The following RALYL variants were observed in gnomAD, a reference collection of about 807,000 sequenced individuals.
The protein encoded by RALYL is RALY RNA binding protein like, also known as RNA-binding Raly-like protein.
A neutral mutation model predicts 35.1 loss-of-function variants in RALYL; 29 were observed. The observed-to-expected ratio is 0.83, with a 90% CI of 0.61 to 1.13. The LOEUF (loss-of-function observed/expected upper bound fraction) is 1.13. Ranked by LOEUF, RALYL falls within the 50% of genes most tolerant of loss-of-function variation. RALYL has a pLI of 0.00. For synonymous variants in RALYL, 120 were observed against 127.6 expected, an observed-to-expected ratio of 0.94 and a Z score of 0.40; for missense variants, 359 against 360.4, an observed-to-expected ratio of 1.00 and a Z score of 0.03.
At chr8:84,504,471 G>C (rs1157427333) in intron 1 of RALYL, among the ~76,000 whole-genome samples, 8 of 152,020 alleles carry the variant, frequency 5.3e-5, no homozygotes, top group Non-Finnish European at 1.5e-5. Flanking sequence ...AATTACTTTT[G>C]ATAATTTTTG....
At chr8:84,712,332 C>T (rs760426049) in intron 2 of RALYL, among the ~76,000 whole-genome samples, 13 of 152,054 alleles carry the variant, frequency 8.5e-5, no homozygotes, top group South Asian at 2.1e-4. Flanking sequence ...GATAACACCC[C>T]GATACAGATT....
rs200753771 is a variant in RALYL, at chr8:84,401,230, T to TC, written c.-23-128069_-23-128068insC. Among the ~76,000 whole-genome samples the TC allele has an allele frequency of 3.9e-3, 599 of 152,104 alleles. 8 individuals are homozygous for TC. The highest frequency in any genetic ancestry group is 0.014 in the African/African-American group (571 of 41,446). On this transcript the variant is annotated intron_variant, in intron 1 of 8. Transcript: ENST00000521268. ...GAAATGTGCTTTCTTTTCTTCTTCT[T>TC]TTTTTTAATCTTTTCTTCTATTCTG...
intron 3 of RALYL, among the ~76,000 whole-genome samples, chr8:84,785,819 G>T (rs1168093754): frequency 6.6e-6 from 1 of 152,112 alleles, no homozygotes; most frequent in Non-Finnish European, 1.5e-5. Context: ...CTTAGCATTT[G>T]ATTAGAGAAA....
chr8:84,456,758 C>T (rs1002777639), intron 1 of RALYL, among the ~76,000 whole-genome samples: 1 of 151,960 alleles, frequency 6.6e-6, no homozygotes, highest in African/African-American at 2.4e-5. Flanking sequence ...CACATTGCAT[C>T]ATAGGAAGTT....
intron 1 of RALYL, among the ~76,000 whole-genome samples, chr8:84,427,042 A>G (rs1241423486): frequency 6.6e-6 from 1 of 152,232 alleles, no homozygotes; most frequent in Admixed American, 6.5e-5. Context: ...GGATATGGAA[A>G]CAACTCATGG....
chr8:84,425,604 C>T (rs2046316453), intron 1 of RALYL, among the ~76,000 whole-genome samples: 1 of 152,172 alleles, frequency 6.6e-6, no homozygotes, highest in South Asian at 2.1e-4. Flanking sequence ...TCTTATACAG[C>T]CACTTGTCCA....
Position 84,224,045 on chromosome 8 carries a change from C to T in RALYL, c.-24+39621C>T, listed in dbSNP as rs559631407. 3.3e-5 allele frequency among the ~76,000 whole-genome samples: 5 copies of T among 152,210 alleles called. No homozygotes were observed. The East Asian group carries it at 5.8e-4, about 18-fold the overall frequency. ...CCTAACTTAGTTAGAAATTCTGATT[C>T]TCATCTTTTCCAATCCTTCTGTTTC... On this transcript the variant is annotated intron_variant, in intron 1 of 8. Coordinates refer to ENST00000521268, the MANE Select transcript of RALYL (RefSeq NM_173848.7).
At chr8:84,696,527 T>C (rs1839183349) in intron 2 of RALYL, among the ~76,000 whole-genome samples, 1 of 152,028 alleles carries the variant, frequency 6.6e-6, no homozygotes, top group South Asian at 2.1e-4. Context: ...GTTCATATTT[T>C]GTGAATCCTC....
intron 1 of RALYL, among the ~76,000 whole-genome samples, chr8:84,462,130 AT>A (rs887717317): frequency 6.8e-6 from 1 of 147,982 alleles, no homozygotes. Flanking sequence ...TTTTATTTTT[AT>A]TTTTTTTTAT....
intron 2 of RALYL, among the ~76,000 whole-genome samples, chr8:84,726,032 C>T (rs1245513162): frequency 6.6e-6 from 1 of 150,858 alleles, no homozygotes; most frequent in African/African-American, 2.4e-5. Flanking sequence ...AAATTTAAGG[C>T]AACTAAGTAT....
intron 2 of RALYL, among the ~76,000 whole-genome samples, chr8:84,540,999 A>C (rs1343505007): frequency 1.3e-5 from 2 of 151,878 alleles, no homozygotes; most frequent in African/African-American, 4.8e-5. Flanking sequence ...AATAGTGATA[A>C]TTTTTCCCTT....
chr8:84,653,811 A>C (rs933757433), intron 2 of RALYL, among the ~76,000 whole-genome samples: 3 of 151,986 alleles, frequency 2.0e-5, no homozygotes, highest in African/African-American at 7.2e-5. Context: ...AGAATGTGTA[A>C]GTTCTATGGA....
intron 1 of RALYL, among the ~76,000 whole-genome samples, chr8:84,301,973 G>C (rs1272385004): frequency 1.3e-5 from 2 of 152,062 alleles, no homozygotes; most frequent in Non-Finnish European, 2.9e-5. Flanking sequence ...AAAAGTCATA[G>C]TTTGGGTAAG....
At chr8:84,215,991 A>G (rs749991373) in intron 1 of RALYL, among the ~76,000 whole-genome samples, 2 of 152,156 alleles carry the variant, frequency 1.3e-5, no homozygotes, top group Non-Finnish European at 2.9e-5. Flanking sequence ...CTCAAAATTT[A>G]TAGTCCCAGA....
chr8:84,903,265 T>C (rs1213815926), intron 8 of RALYL, among the ~76,000 whole-genome samples: 1 of 152,184 alleles, frequency 6.6e-6, no homozygotes, highest in Non-Finnish European at 1.5e-5. Flanking sequence ...TATTTTCATT[T>C]ATATGGGAAT....
At chr8:84,731,027 T>C (rs1306738476) in intron 2 of RALYL, among the ~76,000 whole-genome samples, 1 of 152,044 alleles carries the variant, frequency 6.6e-6, no homozygotes. Flanking sequence ...GAAGAGAATG[T>C]GAGAAAGAGG....
chr8:84,551,616 AAG>A lies in RALYL; in HGVS notation c.256+22044_256+22045del, dbSNP rs544352467. ...TAGCTTGATTTAAAAAAAATGAGGAAAGAGAGTCAGAAGTGGATAATAATAGA... is the reference window on the plus strand; with the variant it reads ...TAGCTTGATTTAAAAAAAATGAGGAAAGAGTCAGAAGTGGATAATAATAGA... On this transcript the variant is annotated intron_variant, in intron 2 of 8. Transcript: ENST00000521268. Among the ~76,000 whole-genome samples, 5 of 152,230 alleles carry A rather than the reference AAG, an allele frequency of 3.3e-5. No homozygotes were observed. In the South Asian group the frequency reaches 6.2e-4, roughly 19 times the overall value.
At chr8:84,208,973 G>A (rs556167409) in intron 1 of RALYL, among the ~76,000 whole-genome samples, 1 of 151,904 alleles carries the variant, frequency 6.6e-6, no homozygotes, top group Admixed American at 6.6e-5. Context: ...GGCTGCATGA[G>A]GCTCTCATCC....
At chr8:84,698,824 A>G (rs1839648726) in intron 2 of RALYL, among the ~76,000 whole-genome samples, 1 of 152,138 alleles carries the variant, frequency 6.6e-6, no homozygotes, top group Admixed American at 6.6e-5. Context: ...CCTCTACTTC[A>G]CGTGCCACGT....
Sources: allele counts gnomAD v4.1 joint callset (sites outside exome capture counted in the v4.1 genomes callset), GRCh38; gene constraint gnomAD v4.1.1; transcripts MANE v1.5; gene names NCBI Gene and HGNC (gene_info 2026-07-23, HGNC 2026-07-21).